The following WDR7 variants were observed in gnomAD, a reference collection of about 807,000 sequenced individuals.
WDR7 encodes the protein WD repeat domain 7.
WDR7 carries 46 observed loss-of-function variants against 169.4 expected under a neutral mutation model. That is an observed-to-expected ratio of 0.27 (90% CI 0.21 to 0.35). WDR7 has a LOEUF of 0.35. WDR7 is among the 10% of genes least tolerant of loss of function. The pLI, the probability that WDR7 is intolerant of heterozygous loss-of-function variation, is 1.00. For missense variants in WDR7, 1,534 were observed against 1,859.3 expected (o/e 0.83, Z 3.22); for synonymous variants, 612 against 666.8 (o/e 0.92, Z 1.27).
chr18:56,694,479 G>C (rs2025652458), intron 9 of WDR7, 140 bp from the exon 10 acceptor site: 2 of 700,514 alleles, frequency 2.9e-6, no homozygotes, highest in Non-Finnish European at 4.5e-6. Context: ...TTAAAATATT[G>C]TTGAATAATC....
intron 26 of WDR7, among the ~76,000 whole-genome samples, chr18:57,000,933 T>C (rs1005898180): frequency 6.6e-6 from 1 of 152,072 alleles, no homozygotes; most frequent in African/African-American, 2.4e-5. Flanking sequence ...TGTAGGGCCA[T>C]GTATAGTGAA....
At chr18:56,912,196 G>C (rs948339127) in intron 21 of WDR7, among the ~76,000 whole-genome samples, 1 of 152,218 alleles carries the variant, frequency 6.6e-6, no homozygotes, top group African/African-American at 2.4e-5. Context: ...GACTCACTCT[G>C]ATTGGTTGAT....
chr18:56,717,980 G>C lies in WDR7; in HGVS notation c.1595G>C (p.Cys532Ser). The change falls in exon 13 of 28, where the codon TGC (cysteine) becomes TCC (serine). Residue 532 changes from cysteine (C) to serine (S), a missense_variant. Physicochemically the swap from Cys to Ser is moderately radical, Grantham distance 112 (BLOSUM62 -1). Coordinates refer to ENST00000254442, the MANE Select transcript of WDR7 (RefSeq NM_015285.3). ...TCTTTTCAGGCAAGAGTACAGCACT[G>C]CATCTGCTCTGTAGCCAGTGACCAC... is the stretch of plus-strand genomic sequence containing the variant. The part of the protein sequence containing the change: ...PENCSARVQH[C>S]ICSVASDHSV... 1 of 1,613,394 alleles carries C rather than the reference G, an allele frequency of 6.2e-7. No individual in the cohort carries two copies. Among genetic ancestry groups the C allele is most frequent in the African/African-American group, 1.3e-5 (1 of 75,006 alleles).
chr18:56,754,245 CTTTG>C (rs1385633521), intron 14 of WDR7, among the ~76,000 whole-genome samples: 2 of 73,008 alleles, frequency 2.7e-5, no homozygotes, highest in Non-Finnish European at 5.6e-5. Flanking sequence ...ATGTTTTGTG[CTTTG>C]TGTGTGTGTG....
intron 21 of WDR7, among the ~76,000 whole-genome samples, chr18:56,918,334 T>C (rs1318998581): frequency 6.6e-6 from 1 of 152,160 alleles, no homozygotes; most frequent in Non-Finnish European, 1.5e-5. Context: ...AAAGAGTCAG[T>C]GACTAGTAAA....
At chr18:56,747,697 G>T (rs866886911) in intron 14 of WDR7, among the ~76,000 whole-genome samples, 1 of 152,170 alleles carries the variant, frequency 6.6e-6, no homozygotes, top group Non-Finnish European at 1.5e-5. Context: ...GGAGGACGGT[G>T]GGGAAGAACA....
In WDR7 at chr18:56,880,142, A is replaced by C; in HGVS notation, c.3503A>C (p.Asn1168Thr). ...TTCGGGTTGACTAGTGGTGGATCCA[A>C]CTACTCGCTGGCCAGACATACTTGT... ...EGFGLTSGGS[N>T]YSLARHTCKA... Residue 1168 changes from asparagine (N) to threonine (T), a missense_variant, in exon 21 of 28, where the codon AAC becomes ACC. Physicochemically the swap from Asn to Thr is moderately conservative, Grantham distance 65. Coordinates refer to ENST00000254442, the MANE Select transcript of WDR7 (RefSeq NM_015285.3). The C allele has an allele frequency of 6.2e-7, 1 of 1,614,004 alleles. No individual in the cohort carries two copies. The highest frequency in any genetic ancestry group is 8.5e-7 in the Non-Finnish European group (1 of 1,179,946).
In WDR7 at chr18:56,962,491, T is replaced by A. The variant is rs527942523; in HGVS notation, c.4126T>A (p.Ser1376Thr). ...HRIAVGARHGSVALYDIRTGK... is the reference protein window; with the variant it reads ...HRIAVGARHGTVALYDIRTGK... Reference sequence around the variant, plus strand: ...AATAGCAGTTGGAGCTCGCCATGGTTCAGTGGCCCTGTACGACATCCGGAC... The same window carrying A: ...AATAGCAGTTGGAGCTCGCCATGGTACAGTGGCCCTGTACGACATCCGGAC... The change falls in exon 26 of 28, where the codon TCA (serine) becomes ACA (threonine). Residue 1376 changes from serine to threonine, a missense_variant. Physicochemically the swap from Ser to Thr is moderately conservative, Grantham distance 58 (BLOSUM62 1). Transcript: ENST00000254442. The A allele has an allele frequency of 1.9e-5, 30 of 1,612,960 alleles. No homozygotes were observed. Among genetic ancestry groups the A allele is most frequent in the Non-Finnish European group, 2.5e-5 (29 of 1,179,344 alleles).
intron 13 of WDR7, among the ~76,000 whole-genome samples, chr18:56,730,562 C>T (rs1450228343): frequency 2.0e-5 from 3 of 151,932 alleles, no homozygotes; most frequent in East Asian, 3.9e-4. Context: ...GTCAGGAGAT[C>T]GAGACCATCC....
chr18:56,789,470 G>A (rs2044451773), intron 19 of WDR7, among the ~76,000 whole-genome samples: 1 of 152,228 alleles, frequency 6.6e-6, no homozygotes, highest in Admixed American at 6.5e-5. Flanking sequence ...AACAGCCTGC[G>A]CTCAGGATGT....
intron 20 of WDR7, among the ~76,000 whole-genome samples, chr18:56,832,494 G>C (rs2045329246): frequency 6.6e-6 from 1 of 152,178 alleles, no homozygotes; most frequent in African/African-American, 2.4e-5. Context: ...CTCTGCTAAG[G>C]GACAGACTGC....
intron 26 of WDR7, among the ~76,000 whole-genome samples, chr18:56,994,392 G>A (rs9950531): frequency 0.35 from 53,440 of 151,910 alleles, 10,456 homozygotes; most frequent in African/African-American, 0.52. Context: ...GTTGAAGTAA[G>A]TGAAAATCCT....
At chr18:56,924,580 G>A (rs749035328) in intron 22 of WDR7, among the ~76,000 whole-genome samples, 11 of 152,142 alleles carry the variant, frequency 7.2e-5, no homozygotes, top group Non-Finnish European at 1.5e-4. Flanking sequence ...AGTGATCCAG[G>A]GAAGCAATGA....
At chr18:56,861,214 A>G (rs1279732532) in intron 20 of WDR7, among the ~76,000 whole-genome samples, 2 of 152,240 alleles carry the variant, frequency 1.3e-5, no homozygotes, top group Non-Finnish European at 2.9e-5. Flanking sequence ...TATAATAGCT[A>G]TTCAGAGGCA....
At chr18:56,812,558 C>T (rs1471924040) in intron 19 of WDR7, among the ~76,000 whole-genome samples, 1 of 152,150 alleles carries the variant, frequency 6.6e-6, no homozygotes. Flanking sequence ...GGAGACCCAG[C>T]GAAGCTGGTG....
intron 12 of WDR7, among the ~76,000 whole-genome samples, chr18:56,707,743 C>T (rs1598978703): frequency 2.6e-5 from 4 of 152,158 alleles, no homozygotes. Context: ...GGGCTAGGCA[C>T]AGCATTCTTG....
At chr18:56,786,896 G>T (rs1404539944) in intron 19 of WDR7, among the ~76,000 whole-genome samples, 1 of 151,114 alleles carries the variant, frequency 6.6e-6, no homozygotes, top group Non-Finnish European at 1.5e-5. Flanking sequence ...TATTAGGTTG[G>T]TGCAAAAGTA....
intron 20 of WDR7, among the ~76,000 whole-genome samples, chr18:56,855,860 CA>C (rs1307885212): frequency 6.6e-6 from 1 of 152,096 alleles, no homozygotes. Flanking sequence ...ACTGCCTTTC[CA>C]CTTGTGCACC....
intron 19 of WDR7, among the ~76,000 whole-genome samples, chr18:56,792,275 C>T (rs1327286774): frequency 1.3e-5 from 2 of 152,144 alleles, no homozygotes; most frequent in African/African-American, 4.8e-5. Context: ...TTCTTGACTT[C>T]TCAAAGTGCT....
Sources: gnomAD v4.1 joint callset for allele counts (sites outside exome capture counted in the v4.1 genomes callset) on GRCh38, gnomAD v4.1.1 for gene constraint, MANE v1.5 for transcripts, NCBI Gene and HGNC (gene_info 2026-07-23, HGNC 2026-07-21) for gene names.